Variants in SDCCAG8 observed in about 807,000 individuals in gnomAD.
SDCCAG8 encodes serologically defined colon cancer antigen 8.
SDCCAG8 carries 74 observed loss-of-function variants against 101.8 expected under a neutral mutation model. That is an observed-to-expected ratio of 0.73 (90% CI 0.60 to 0.88). The LOEUF is 0.88. Among genes scored for constraint, SDCCAG8 ranks in the 40% least tolerant of loss-of-function variants. The probability of loss-of-function intolerance (pLI) is 0.00; values close to 1 mark genes in which losing one functional copy is unlikely to be tolerated. For missense variants in SDCCAG8, 787 were observed against 822.6 expected, an observed-to-expected ratio of 0.96 and a Z score of 0.53; for synonymous variants, 281 against 292.9, an observed-to-expected ratio of 0.96 and a Z score of 0.41.
intron 16 of SDCCAG8, among the ~76,000 whole-genome samples, chr1:243,467,321 G>A (rs529774743): frequency 6.6e-6 from 1 of 152,328 alleles, no homozygotes; most frequent in East Asian, 1.9e-4. Context: ...GGTACCAGAG[G>A]AGAGAACCAG....
intron 5 of SDCCAG8, among the ~76,000 whole-genome samples, chr1:243,286,649 G>T (rs1191178995): frequency 6.6e-6 from 1 of 152,156 alleles, no homozygotes; most frequent in African/African-American, 2.4e-5. Context: ...GGAAAGAGCC[G>T]GTCTGAAAGC....
intron 6 of SDCCAG8, 182 bp downstream of exon 6, chr1:243,293,401 C>T (rs907419786): frequency 4.0e-6 from 3 of 757,682 alleles, no homozygotes; most frequent in Non-Finnish European, 6.8e-6. Flanking sequence ...ATTTTCAGAA[C>T]TTTTTGATCA....
chr1:243,464,174 G>A (rs1320867214), intron 16 of SDCCAG8, among the ~76,000 whole-genome samples: 1 of 152,162 alleles, frequency 6.6e-6, no homozygotes, highest in Non-Finnish European at 1.5e-5. Context: ...AGCATGTGGT[G>A]GCATTGGTGG....
rs748692319 is a variant in SDCCAG8, at chr1:243,351,871, A to G, written c.1473+7540A>G. Among the ~76,000 whole-genome samples the G allele has an allele frequency of 7.2e-4, 110 of 152,390 alleles. 1 individual carries two copies. The highest frequency in any genetic ancestry group is 2.5e-3 in the African/African-American group (103 of 41,596). Reference sequence around the variant, plus strand: ...ATGTTGGTAAAATCACAAAATTAGCAGTAAAAAAATATAATTCAATTTTTC... The same window carrying G: ...ATGTTGGTAAAATCACAAAATTAGCGGTAAAAAAATATAATTCAATTTTTC... On this transcript the variant is annotated intron_variant, in intron 12 of 17. Coordinates refer to ENST00000366541, the MANE Select transcript of SDCCAG8 (RefSeq NM_006642.5).
intron 5 of SDCCAG8, 59 bp downstream of exon 5, chr1:243,286,456 T>C: frequency 6.4e-7 from 1 of 1,573,428 alleles, no homozygotes; most frequent in Non-Finnish European, 8.7e-7. Flanking sequence ...TTCTGCCCTC[T>C]CTCCTCGCCT....
At chr1:243,277,619 A>G (rs991196093) in intron 4 of SDCCAG8, among the ~76,000 whole-genome samples, 1 of 152,198 alleles carries the variant, frequency 6.6e-6, no homozygotes, top group Non-Finnish European at 1.5e-5. Flanking sequence ...TCTTAACAGT[A>G]TCTTTCAATG....
intron 16 of SDCCAG8, among the ~76,000 whole-genome samples, chr1:243,456,284 G>T (rs914787994): frequency 2.0e-5 from 3 of 152,112 alleles, no homozygotes; most frequent in Non-Finnish European, 4.4e-5. Flanking sequence ...TGGTTGGTAG[G>T]GAAATTCACT....
chr1:243,383,865 T>C (rs940822580), intron 13 of SDCCAG8, among the ~76,000 whole-genome samples: 1 of 152,178 alleles, frequency 6.6e-6, no homozygotes, highest in Non-Finnish European at 1.5e-5. Flanking sequence ...CAAATGTCAG[T>C]ACACATAGCT....
chr1:243,486,593 C>G (rs573730253), intron 16 of SDCCAG8, among the ~76,000 whole-genome samples: 2 of 152,246 alleles, frequency 1.3e-5, no homozygotes, highest in East Asian at 3.8e-4. Flanking sequence ...CCGGCCCCAT[C>G]GCTGAAGGTG....
rs530528453 is a variant in SDCCAG8 at position 243,312,036 on chromosome 1, A to C, written c.929+3859A>C. ...ATATCATTGTCTCATGTTCTGCATT[A>C]ATGACAGAAAGGATATTAAACCTAT... On this transcript the variant is annotated intron_variant, in intron 8 of 17. Coordinates refer to ENST00000366541, the MANE Select transcript of SDCCAG8 (RefSeq NM_006642.5). Among the ~76,000 whole-genome samples, 4 of 152,376 alleles carry C rather than the reference A, an allele frequency of 2.6e-5. No homozygotes were observed. The South Asian group carries it at 8.3e-4, about 32-fold the overall frequency.
At chr1:243,305,599 T>G (rs887165762) in intron 7 of SDCCAG8, 7 of 152,128 alleles carry the variant, frequency 4.6e-5, no homozygotes. Flanking sequence ...GTGATTTATG[T>G]ATAATGAGTA....
chr1:243,418,056 A>C lies in SDCCAG8; in HGVS notation c.1833A>C (p.Glu611Asp). The C allele has an allele frequency of 6.2e-7, 1 of 1,612,126 alleles. No individual in the cohort carries two copies. The highest frequency in any genetic ancestry group is 8.5e-7 in the Non-Finnish European group (1 of 1,178,490). Residue 611 changes from glutamate to aspartate, a missense_variant, in exon 15 of 18, where the codon GAA becomes GAC. Transcript: ENST00000366541. ...EECCTLAKKL[E>D]QISQKTRSEI... Reference sequence around the variant, plus strand: ...GCTGTACATTAGCCAAGAAACTGGAACAAATCTCTCAAAAAACCAGGTAGG... The same window carrying C: ...GCTGTACATTAGCCAAGAAACTGGACCAAATCTCTCAAAAAACCAGGTAGG...
At chr1:243,473,675 GTGTC>G (rs1661688907) in intron 16 of SDCCAG8, among the ~76,000 whole-genome samples, 1 of 152,144 alleles carries the variant, frequency 6.6e-6, no homozygotes, top group African/African-American at 2.4e-5. Context: ...AAGTTCAAGA[GTGTC>G]TGGGAATTGA....
chr1:243,305,734 T>G (rs1379556617), intron 7 of SDCCAG8: 2 of 152,146 alleles, frequency 1.3e-5, no homozygotes, highest in Non-Finnish European at 2.9e-5. Context: ...TAAGTCCAAT[T>G]TGAAATTTTA....
chr1:243,314,061 A>G (rs932375107), intron 8 of SDCCAG8, among the ~76,000 whole-genome samples: 1 of 152,218 alleles, frequency 6.6e-6, no homozygotes, highest in Non-Finnish European at 1.5e-5. Context: ...TGTTATGTGG[A>G]CTGGCTGAGT....
rs565735543 is a variant in SDCCAG8, at chr1:243,308,543, T to G, written c.929+366T>G. On this transcript the variant is annotated intron_variant, in intron 8 of 17. Coordinates refer to ENST00000366541, the MANE Select transcript of SDCCAG8 (RefSeq NM_006642.5). ...TAGCAAAACTGAGTGTAATAGAAAT[T>G]CCTTTGGTTTTGCCATATCTTGGAT... 2.6e-5 allele frequency among the ~76,000 whole-genome samples: 4 copies of G among 152,340 alleles called. No homozygotes were observed. The East Asian group carries it at 5.8e-4, about 22-fold the overall frequency.
chr1:243,286,463 G>T, intron 5 of SDCCAG8, 66 bp downstream of exon 5: 1 of 1,539,788 alleles, frequency 6.5e-7, no homozygotes. Flanking sequence ...CTCTCTCCTC[G>T]CCTTCTTCGC....
At chr1:243,422,284 G>A (rs1021603520) in intron 15 of SDCCAG8, among the ~76,000 whole-genome samples, 2 of 152,038 alleles carry the variant, frequency 1.3e-5, no homozygotes, top group African/African-American at 2.4e-5. Flanking sequence ...TATAATGGTT[G>A]GTTTAATTTG....
At chr1:243,464,198 T>A (rs2148168503) in intron 16 of SDCCAG8, among the ~76,000 whole-genome samples, 1 of 152,318 alleles carries the variant, frequency 6.6e-6, no homozygotes, top group Admixed American at 6.5e-5. Context: ...TTTTTCTGAA[T>A]GTTGTTCACT....
Sources: gnomAD v4.1 joint callset for allele counts (sites outside exome capture counted in the v4.1 genomes callset) on GRCh38, gnomAD v4.1.1 for gene constraint, MANE v1.5 for transcripts, NCBI Gene and HGNC (gene_info 2026-07-23, HGNC 2026-07-21) for gene names.